PCBP3: variants seen among roughly 807,000 people sequenced by gnomAD.
The protein encoded by PCBP3 is poly(rC)-binding protein 3.
Under a neutral mutation model 52.7 loss-of-function variants are expected in PCBP3, and 25 were observed. The ratio of observed to expected loss-of-function variants is 0.47; its 90% confidence interval spans 0.35 to 0.66. The LOEUF (loss-of-function observed/expected upper bound fraction) is 0.66. Among genes scored for constraint, PCBP3 ranks in the 30% least tolerant of loss-of-function variants. The pLI is 0.01. For missense variants in PCBP3, 391 were observed against 490.3 expected (o/e 0.80, Z 1.91); for synonymous variants, 162 against 183.0 (o/e 0.89, Z 0.93).
chr21:45,649,598 T>C (rs1309260026), intron 1 of PCBP3, among the ~76,000 whole-genome samples: 1 of 152,290 alleles, frequency 6.6e-6, no homozygotes, highest in East Asian at 1.9e-4. Flanking sequence ...ATGGATCAGT[T>C]TCTGGTTGCT....
chr21:45,766,900 T>TCAA (rs1032398566), intron 4 of PCBP3, among the ~76,000 whole-genome samples: 1 of 151,906 alleles, frequency 6.6e-6, no homozygotes, highest in Non-Finnish European at 1.5e-5. Context: ...GCCAACACAA[T>TCAA]CAACAACAAC....
chr21:45,769,439 G>T (rs1462088972), intron 4 of PCBP3, among the ~76,000 whole-genome samples: 2 of 152,274 alleles, frequency 1.3e-5, no homozygotes, highest in South Asian at 2.1e-4. Flanking sequence ...GACTGTGGGC[G>T]CATCGCCTGT....
chr21:45,664,785 A>G (rs1334474147), intron 1 of PCBP3, among the ~76,000 whole-genome samples: 1 of 77,220 alleles, frequency 1.3e-5, no homozygotes. Flanking sequence ...ACCCCACCAC[A>G]GTCCCCAGAG....
chr21:45,908,681 G>A (rs562158545), intron 9 of PCBP3, among the ~76,000 whole-genome samples: 8 of 152,216 alleles, frequency 5.3e-5, no homozygotes, highest in African/African-American at 1.9e-4. Context: ...GCTCTGCAGC[G>A]AGCTCCGGGC....
chr21:45,793,484 T>TC (rs1408190210), intron 4 of PCBP3, among the ~76,000 whole-genome samples: 11 of 151,564 alleles, frequency 7.3e-5, no homozygotes, highest in Non-Finnish European at 1.6e-4. Flanking sequence ...TTAACAGGAG[T>TC]CTGAGGACCA....
At chr21:45,894,829 G>A (rs1055204598) in intron 5 of PCBP3, among the ~76,000 whole-genome samples, 6 of 152,242 alleles carry the variant, frequency 3.9e-5, no homozygotes, top group South Asian at 4.1e-4. Flanking sequence ...TTTGTGCTAC[G>A]TGAAGTCCTC....
chr21:45,688,298 A>G (rs2082269523), intron 2 of PCBP3, among the ~76,000 whole-genome samples: 1 of 152,220 alleles, frequency 6.6e-6, no homozygotes, highest in Admixed American at 6.5e-5. Context: ...TCAAGAAAAC[A>G]TGAAAAAGTG....
intron 5 of PCBP3, among the ~76,000 whole-genome samples, chr21:45,859,394 C>T (rs1281108446): frequency 6.6e-6 from 1 of 152,230 alleles, no homozygotes; most frequent in Admixed American, 6.5e-5. Context: ...GGTTCCCCTG[C>T]ATGGCTATGC....
chr21:45,711,448 G>A (rs1361635631), intron 2 of PCBP3, among the ~76,000 whole-genome samples: 1 of 152,120 alleles, frequency 6.6e-6, no homozygotes, highest in Non-Finnish European at 1.5e-5. Context: ...TCCCCTTGCT[G>A]GCTTCTCACT....
chr21:45,782,195 CGA>C (rs1569215274), intron 4 of PCBP3, among the ~76,000 whole-genome samples: 2 of 151,674 alleles, frequency 1.3e-5, no homozygotes, highest in African/African-American at 4.9e-5. Context: ...AAGTGAAAGA[CGA>C]GATAAAAACG....
chr21:45,890,076 G>T (rs2095615653), intron 5 of PCBP3, among the ~76,000 whole-genome samples: 1 of 152,260 alleles, frequency 6.6e-6, no homozygotes, highest in African/African-American at 2.4e-5. Flanking sequence ...GTCACTGCCA[G>T]GGTGGGAGAC....
intron 11 of PCBP3, chr21:45,911,423 C>A: frequency 3.5e-6 from 1 of 285,686 alleles, no homozygotes; most frequent in East Asian, 1.0e-4. Context: ...GAGGCAAAGG[C>A]AGGAGGCTCC....
At chr21:45,922,978 C>T (rs1032216069) in intron 13 of PCBP3, among the ~76,000 whole-genome samples, 3 of 151,908 alleles carry the variant, frequency 2.0e-5, no homozygotes, top group Non-Finnish European at 2.9e-5. Context: ...AGAAATGTGT[C>T]GTTGTAAGTG....
chr21:45,699,595 A>G (rs2082984606), intron 2 of PCBP3, among the ~76,000 whole-genome samples: 1 of 152,208 alleles, frequency 6.6e-6, no homozygotes, highest in Admixed American at 6.5e-5. Flanking sequence ...CTGAGAATGG[A>G]CAATTTACAA....
intron 5 of PCBP3, among the ~76,000 whole-genome samples, chr21:45,877,926 C>T (rs1037006306): frequency 6.6e-6 from 1 of 152,234 alleles, no homozygotes; most frequent in Non-Finnish European, 1.5e-5. Flanking sequence ...GACCGGGAGG[C>T]GGCAGTGGGA....
rs139506892 is a variant in PCBP3 at position 45,692,988 on chromosome 21, A to G, written c.-200+24036A>G. On this transcript the variant is annotated intron_variant, in intron 2 of 17. Transcript: ENST00000681687. ...GGTTTACTCATTATTCAATGTAATC[A>G]TCATCATTCAATGTAATTCACCATA... Among the ~76,000 whole-genome samples, 313 of 152,344 alleles carry G rather than the reference A, an allele frequency of 2.1e-3. 1 individual carries two copies. The highest frequency in any genetic ancestry group is 7.3e-3 in the African/African-American group (302 of 41,588).
At position 45,940,768 on chromosome 21, in the gene PCBP3, C is replaced by T. The variant is rs955617242; in HGVS notation, c.1079+569C>T. 3.6e-4 allele frequency among the ~76,000 whole-genome samples: 23 copies of T among 63,430 alleles called. No homozygotes were observed. The South Asian group carries it at 5.0e-3, about 14-fold the overall frequency. 41.6% of individuals were successfully genotyped at this position (63,430 alleles called of 152,430 possible). On this transcript the variant is annotated intron_variant, in intron 17 of 17. Transcript: ENST00000681687. The stretch of plus-strand genomic sequence containing the variant: ...CCACCAGTCCCCCCGCCAGGCATGC[C>T]GTACCACCAGCCCCGCCAGGCACAC...
At chr21:45,875,663 G>A (rs1979037988) in intron 5 of PCBP3, among the ~76,000 whole-genome samples, 1 of 152,220 alleles carries the variant, frequency 6.6e-6, no homozygotes, top group Non-Finnish European at 1.5e-5. Flanking sequence ...CAGGGCGAGA[G>A]CAGGACAGAT....
At chr21:45,851,925 G>A (rs1043857119) in intron 5 of PCBP3, among the ~76,000 whole-genome samples, 2 of 152,210 alleles carry the variant, frequency 1.3e-5, no homozygotes, top group Non-Finnish European at 2.9e-5. Flanking sequence ...TACACAGATT[G>A]TTTCAGAAAA....
Sources: allele counts gnomAD v4.1 joint callset (sites outside exome capture counted in the v4.1 genomes callset), GRCh38; gene constraint gnomAD v4.1.1; transcripts MANE v1.5; gene names NCBI Gene and HGNC (gene_info 2026-07-23, HGNC 2026-07-21).